The following NCALD variants were observed in gnomAD, a reference collection of about 807,000 sequenced individuals.
NCALD encodes neurocalcin-delta.
NCALD carries 10 observed loss-of-function variants against 18.6 expected under a neutral mutation model. The ratio of observed to expected loss-of-function variants is 0.54; its 90% CI spans 0.33 to 0.91. The LOEUF (loss-of-function observed/expected upper bound fraction) is 0.91. Ranked by LOEUF, NCALD falls within the 40% of genes least tolerant of loss-of-function variation. The pLI is 0.03. For missense variants in NCALD, 184 were observed against 247.6 expected (o/e 0.74, Z 1.72); for synonymous variants, 88 against 87.4 (o/e 1.01, Z -0.04).
At chr8:101,849,100 G>A (rs916428692) in intron 4 of NCALD, among the ~76,000 whole-genome samples, 1 of 152,204 alleles carries the variant, frequency 6.6e-6, no homozygotes, top group Non-Finnish European at 1.5e-5. Context: ...GCAAACGAAT[G>A]CAGGAACAGA....
At chr8:102,035,121 C>G (rs1211651384) in intron 1 of NCALD, among the ~76,000 whole-genome samples, 1 of 152,118 alleles carries the variant, frequency 6.6e-6, no homozygotes, top group Admixed American at 6.5e-5. Context: ...TAGAAGTAAT[C>G]TAGTGCAAGG....
chr8:102,042,855 C>T (rs1238367552), intron 1 of NCALD, among the ~76,000 whole-genome samples: 1 of 151,740 alleles, frequency 6.6e-6, no homozygotes, highest in Non-Finnish European at 1.5e-5. Flanking sequence ...ACAGAAACAT[C>T]CAGAAGGAAA....
intron 1 of NCALD, among the ~76,000 whole-genome samples, chr8:102,102,215 G>A (rs1275409227): frequency 3.9e-5 from 6 of 152,038 alleles, no homozygotes; most frequent in Non-Finnish European, 8.8e-5. Context: ...ATTGTGATGG[G>A]CACAGCAGGT....
At chr8:102,100,964 G>C (rs1379940105) in intron 1 of NCALD, among the ~76,000 whole-genome samples, 1 of 152,178 alleles carries the variant, frequency 6.6e-6, no homozygotes, top group Non-Finnish European at 1.5e-5. Flanking sequence ...AAGAAGTTCT[G>C]GAGATGGATG....
intron 1 of NCALD, among the ~76,000 whole-genome samples, chr8:101,730,346 G>A (rs1816762944): frequency 6.6e-6 from 1 of 151,928 alleles, no homozygotes; most frequent in African/African-American, 2.4e-5. Flanking sequence ...CAGGGGTGGT[G>A]GTGCAAGCCT....
intron 4 of NCALD, among the ~76,000 whole-genome samples, chr8:101,866,403 T>C (rs1319367300): frequency 6.6e-6 from 1 of 152,198 alleles, no homozygotes; most frequent in Non-Finnish European, 1.5e-5. Flanking sequence ...AAAATCTACA[T>C]GCTGACAATC....
chr8:101,956,511 G>GGTA (rs1233048594), intron 2 of NCALD, among the ~76,000 whole-genome samples: 1 of 152,100 alleles, frequency 6.6e-6, no homozygotes, highest in African/African-American at 2.4e-5. Flanking sequence ...AAATTTTATA[G>GGTA]CAATATAGGT....
At chr8:101,891,661 G>A (rs944291392) in intron 3 of NCALD, among the ~76,000 whole-genome samples, 9 of 152,250 alleles carry the variant, frequency 5.9e-5, no homozygotes, top group African/African-American at 9.6e-5. Context: ...TGCGTGCACC[G>A]AGTGCGAGCC....
At chr8:102,010,342 G>T (rs571454866) in intron 2 of NCALD, among the ~76,000 whole-genome samples, 10 of 152,258 alleles carry the variant, frequency 6.6e-5, no homozygotes, top group African/African-American at 2.4e-4. Context: ...ACCCCAAATA[G>T]TTGCTACCCC....
intron 4 of NCALD, among the ~76,000 whole-genome samples, chr8:101,844,948 G>T (rs1448874086): frequency 6.6e-6 from 1 of 152,190 alleles, no homozygotes; most frequent in Non-Finnish European, 1.5e-5. Flanking sequence ...CTTACAGATT[G>T]TCTGTGCTAT....
chr8:102,088,552 G>C (rs981196391), intron 1 of NCALD, among the ~76,000 whole-genome samples: 3 of 141,470 alleles, frequency 2.1e-5, no homozygotes, highest in African/African-American at 8.4e-5. Context: ...TCCTGTTTTC[G>C]GGGAAAAAAA....
At position 101,689,902 on chromosome 8, in the gene NCALD, C is replaced by CT. The variant is rs1814641021; in HGVS notation, c.485-497_485-496insA. The stretch of plus-strand genomic sequence containing the variant: ...CCACTCTGTGTTCTTAGGTTTGCTG[C>CT]AAGAGCCCATCCTATCTTGGGGAAG... On this transcript the variant is annotated intron_variant, in intron 3 of 3. Coordinates refer to ENST00000220931, the MANE Select transcript of NCALD (RefSeq NM_032041.3). The surrounding 1 kb of genome is among the most constrained non-coding windows in gnomAD (Gnocchi z 4.4). Among the ~76,000 whole-genome samples, 1 of 152,230 alleles carries CT rather than the reference C, an allele frequency of 6.6e-6. No homozygotes were observed. Among genetic ancestry groups the CT allele is most frequent in the African/African-American group, 2.4e-5 (1 of 41,462 alleles).
intron 1 of NCALD, among the ~76,000 whole-genome samples, chr8:101,774,796 A>G (rs1352139434): frequency 6.6e-6 from 1 of 152,176 alleles, no homozygotes; most frequent in East Asian, 1.9e-4. Context: ...TTGTTTGCAT[A>G]AGAACCATTT....
At chr8:101,765,658 G>C (rs1253693639) in intron 1 of NCALD, among the ~76,000 whole-genome samples, 1 of 152,158 alleles carries the variant, frequency 6.6e-6, no homozygotes, top group African/African-American at 2.4e-5. Flanking sequence ...GGAGTAGGAA[G>C]GGGGAGAGAA....
intron 1 of NCALD, among the ~76,000 whole-genome samples, chr8:102,081,814 C>G (rs75653803): frequency 6.6e-5 from 10 of 151,898 alleles, no homozygotes; most frequent in Non-Finnish European, 1.5e-4. Context: ...TTGGGCACGA[C>G]TGGTGCTTTT....
intron 1 of NCALD, among the ~76,000 whole-genome samples, chr8:101,779,620 C>T (rs1380890403): frequency 1.3e-5 from 2 of 152,126 alleles, no homozygotes; most frequent in African/African-American, 4.8e-5. Context: ...TGGTTTACGA[C>T]TTCATGAACT....
chr8:101,931,612 TC>T (rs1818575577), intron 2 of NCALD, among the ~76,000 whole-genome samples: 1 of 147,348 alleles, frequency 6.8e-6, no homozygotes, highest in Non-Finnish European at 1.5e-5. Context: ...TCAATCACCT[TC>T]CTTTTTTTTT....
chr8:102,056,649 C>G (rs1012563850), intron 1 of NCALD, among the ~76,000 whole-genome samples: 1 of 152,226 alleles, frequency 6.6e-6, no homozygotes, highest in Non-Finnish European at 1.5e-5. Flanking sequence ...TCACAAGGAG[C>G]TATCACCCCT....
At chr8:101,893,855 T>C (rs560554907) in intron 3 of NCALD, among the ~76,000 whole-genome samples, 1 of 145,270 alleles carries the variant, frequency 6.9e-6, no homozygotes, top group East Asian at 1.9e-4. Context: ...AGCACCCAGA[T>C]TCATAAAGCA....
Sources: allele counts gnomAD v4.1 joint callset (sites outside exome capture counted in the v4.1 genomes callset), GRCh38; gene constraint gnomAD v4.1.1; non-coding constraint Gnocchi (gnomAD v3.1); transcripts MANE v1.5; gene names NCBI Gene and HGNC (gene_info 2026-07-23, HGNC 2026-07-21).